Variants in SMOC2 observed in about 807,000 individuals in gnomAD.
SMOC2 encodes SPARC related modular calcium binding 2.
Under a neutral mutation model 61.4 loss-of-function variants are expected in SMOC2, and 39 were observed. That is an observed-to-expected ratio of 0.64 (90% confidence interval 0.49 to 0.83). The LOEUF (loss-of-function observed/expected upper bound fraction) is 0.83, where lower values mean the gene tolerates loss of function less well. SMOC2 is among the 40% of genes least tolerant of loss of function. The probability of loss-of-function intolerance (pLI) is 0.00; values close to 1 mark genes in which losing one functional copy is unlikely to be tolerated. For missense variants in SMOC2, 556 were observed against 592.9 expected, an observed-to-expected ratio of 0.94 and a Z score of 0.65; for synonymous variants, 247 against 239.9, an observed-to-expected ratio of 1.03 and a Z score of -0.27.
chr6:168,517,494 GC>G (rs1783171030), intron 2 of SMOC2, among the ~76,000 whole-genome samples: 1 of 152,242 alleles, frequency 6.6e-6, no homozygotes, highest in South Asian at 2.1e-4. Flanking sequence ...CTGAGGGGCT[GC>G]CCTGCCGGGG....
intron 6 of SMOC2, among the ~76,000 whole-genome samples, chr6:168,548,156 C>T (rs1010441872): frequency 6.6e-6 from 1 of 152,120 alleles, no homozygotes; most frequent in Non-Finnish European, 1.5e-5. Flanking sequence ...ACTGATGCTG[C>T]GTGGTCCTAA....
At chr6:168,472,430 C>T (rs1311900561) in intron 1 of SMOC2, among the ~76,000 whole-genome samples, 1 of 152,100 alleles carries the variant, frequency 6.6e-6, no homozygotes, top group East Asian at 1.9e-4. Context: ...TGCCCTCTTC[C>T]ACTATCACCT....
At chr6:168,519,194 TG>T (rs935370330) in intron 2 of SMOC2, among the ~76,000 whole-genome samples, 4 of 99,822 alleles carry the variant, frequency 4.0e-5, no homozygotes, top group African/African-American at 1.6e-4. Context: ...TGCATGTGTA[TG>T]TGTGTGTATG....
chr6:168,526,259 C>A, intron 2 of SMOC2, 87 bp from the exon 3 acceptor site: 1 of 1,236,454 alleles, frequency 8.1e-7, no homozygotes, highest in Non-Finnish European at 1.2e-6. Flanking sequence ...CTGCCTAACT[C>A]ATGCCTTCAC....
At chr6:168,456,871 C>G (rs1416927175) in intron 1 of SMOC2, among the ~76,000 whole-genome samples, 1 of 152,092 alleles carries the variant, frequency 6.6e-6, no homozygotes, top group African/African-American at 2.4e-5. Context: ...ACGGGTGGGT[C>G]GTCATGTCCA....
At chr6:168,556,712 A>G (rs1784260950) in intron 7 of SMOC2, among the ~76,000 whole-genome samples, 1 of 150,796 alleles carries the variant, frequency 6.6e-6, no homozygotes, top group Non-Finnish European at 1.5e-5. Context: ...ATTTAACATT[A>G]GGTATATCTC....
chr6:168,441,929 C>G (rs1219003462), intron 1 of SMOC2, among the ~76,000 whole-genome samples: 1 of 152,180 alleles, frequency 6.6e-6, no homozygotes, highest in Admixed American at 6.5e-5. Context: ...GACTGGGCGC[C>G]CACCTCGCCC....
intron 7 of SMOC2, among the ~76,000 whole-genome samples, chr6:168,550,489 A>C (rs1784106662): frequency 6.6e-6 from 1 of 152,108 alleles, no homozygotes; most frequent in Admixed American, 6.5e-5. Context: ...CCCCATGGCG[A>C]GTCTATGGTA....
chr6:168,583,746 G>A (rs1784979124), intron 7 of SMOC2, among the ~76,000 whole-genome samples: 1 of 152,224 alleles, frequency 6.6e-6, no homozygotes, highest in Non-Finnish European at 1.5e-5. Context: ...GTAGGGAAGA[G>A]CACCCAGCCT....
At chr6:168,571,885 G>C (rs28578879) in intron 7 of SMOC2, among the ~76,000 whole-genome samples, 13,032 of 41,690 alleles carry the variant, frequency 0.31, 806 homozygotes, top group Middle Eastern at 0.36. Flanking sequence ...CCCCGGGTGC[G>C]GGGACCAGGG....
chr6:168,541,123 T>C (rs1783868895), intron 4 of SMOC2, among the ~76,000 whole-genome samples: 1 of 152,246 alleles, frequency 6.6e-6, no homozygotes, highest in Non-Finnish European at 1.5e-5. Flanking sequence ...CCTCACATTG[T>C]ACTTTGTGGC....
At chr6:168,549,837 A>G (rs796143436) in intron 7 of SMOC2, among the ~76,000 whole-genome samples, 7 of 152,352 alleles carry the variant, frequency 4.6e-5, no homozygotes, top group African/African-American at 1.7e-4. Context: ...ATGTCAAACT[A>G]TAGCTTTAGT....
intron 7 of SMOC2, among the ~76,000 whole-genome samples, chr6:168,574,005 C>T (rs552817139): frequency 1.1e-3 from 171 of 152,334 alleles, no homozygotes; most frequent in Non-Finnish European, 2.2e-3. Context: ...TGGGTGGACC[C>T]GGGCCTTGCG....
At chr6:168,525,304 G>A (rs1783428138) in intron 2 of SMOC2, among the ~76,000 whole-genome samples, 1 of 152,172 alleles carries the variant, frequency 6.6e-6, no homozygotes, top group East Asian at 1.9e-4. Flanking sequence ...TGGGGGCACT[G>A]AAAGATGGGC....
At position 168,644,701 on chromosome 6, in the gene SMOC2, G is replaced by T. The variant is rs1012717622; in HGVS notation, c.908-5980G>T. The stretch of plus-strand genomic sequence containing the variant: ...GTCTCGCTCTGTCTCCCAGGCTGGA[G>T]TGCAGTGGTACGATCGCAGCTCACT... On this transcript the variant is annotated intron_variant, in intron 9 of 12. Transcript: ENST00000356284. Among the ~76,000 whole-genome samples, 8 of 145,306 alleles carry T rather than the reference G, an allele frequency of 5.5e-5. No individual in the cohort carries two copies. In the Admixed American group the frequency reaches 5.8e-4, roughly 10 times the overall value.
At chr6:168,626,699 G>T (rs1021823855) in intron 9 of SMOC2, among the ~76,000 whole-genome samples, 1 of 152,206 alleles carries the variant, frequency 6.6e-6, no homozygotes, top group African/African-American at 2.4e-5. Flanking sequence ...AACTTAACGC[G>T]TTCTGTTACC....
At chr6:168,525,596 A>G (rs1003622289) in intron 2 of SMOC2, among the ~76,000 whole-genome samples, 3 of 152,210 alleles carry the variant, frequency 2.0e-5, no homozygotes. Flanking sequence ...CTTAAGTAGT[A>G]GCAGTGACGT....
intron 9 of SMOC2, among the ~76,000 whole-genome samples, chr6:168,618,462 T>A (rs1158762776): frequency 8.3e-6 from 1 of 120,654 alleles, no homozygotes; most frequent in Admixed American, 8.4e-5. Context: ...ATTAGGAGAG[T>A]GGAGGAGAGG....
chr6:168,551,423 T>TTTTA (rs147825097), intron 7 of SMOC2, among the ~76,000 whole-genome samples: 6,071 of 146,810 alleles, frequency 0.041, 175 homozygotes, highest in Non-Finnish European at 0.06. Context: ...ATATACTTTA[T>TTTTA]TTTATTTATT....
Sources: allele counts gnomAD v4.1 joint callset (sites outside exome capture counted in the v4.1 genomes callset), GRCh38; gene constraint gnomAD v4.1.1; transcripts MANE v1.5; gene names NCBI Gene and HGNC (gene_info 2026-07-23, HGNC 2026-07-21).